NRG3: variants seen among roughly 807,000 people sequenced by gnomAD.
NRG3 encodes pro-neuregulin-3, membrane-bound isoform.
Under a neutral mutation model 66.9 loss-of-function variants are expected in NRG3, and 31 were observed. That is an observed-to-expected ratio of 0.46 (90% CI 0.35 to 0.63). The LOEUF (loss-of-function observed/expected upper bound fraction) is 0.63. Ranked by LOEUF, NRG3 falls within the 20% of genes least tolerant of loss-of-function variation. NRG3 has a pLI of 0.00. For missense variants in NRG3, 910 were observed against 878.9 expected (o/e 1.04, Z -0.45); for synonymous variants, 393 against 359.4 (o/e 1.09, Z -1.06).
intron 2 of NRG3, among the ~76,000 whole-genome samples, chr10:82,421,631 T>C (rs1158989943): frequency 6.6e-6 from 1 of 152,096 alleles, no homozygotes; most frequent in Non-Finnish European, 1.5e-5. Context: ...CAGCTCTGCT[T>C]AGAGAAGTTT....
chr10:82,115,562 T>G (rs2067657762), intron 1 of NRG3, among the ~76,000 whole-genome samples: 1 of 152,164 alleles, frequency 6.6e-6, no homozygotes, highest in Non-Finnish European at 1.5e-5. Flanking sequence ...TTTGGTTCCC[T>G]TACTTATATC....
chr10:82,111,389 A>G (rs1432224479), intron 1 of NRG3, among the ~76,000 whole-genome samples: 1 of 152,216 alleles, frequency 6.6e-6, no homozygotes, highest in East Asian at 1.9e-4. Flanking sequence ...CATACATTAT[A>G]CATAATAAAT....
intron 1 of NRG3, among the ~76,000 whole-genome samples, chr10:82,207,808 CT>C (rs1252933468): frequency 6.6e-6 from 1 of 152,126 alleles, no homozygotes; most frequent in Non-Finnish European, 1.5e-5. Context: ...TGAGAAGTCA[CT>C]AGCACAAGAA....
intron 1 of NRG3, among the ~76,000 whole-genome samples, chr10:82,160,220 C>G (rs555973538): frequency 8.6e-4 from 130 of 152,018 alleles, no homozygotes; most frequent in Admixed American, 2.8e-3. Flanking sequence ...CAGTGGTTTT[C>G]TGATAGAAGA....
chr10:82,747,622 A>G (rs1395156929), intron 3 of NRG3, among the ~76,000 whole-genome samples: 1 of 151,908 alleles, frequency 6.6e-6, no homozygotes, highest in Non-Finnish European at 1.5e-5. Context: ...GGTCAGTTTC[A>G]TTTGTACCTT....
At chr10:82,391,839 C>CT (rs1451880179) in intron 2 of NRG3, among the ~76,000 whole-genome samples, 5 of 151,842 alleles carry the variant, frequency 3.3e-5, no homozygotes, top group African/African-American at 1.2e-4. Flanking sequence ...TTCTAGGTAC[C>CT]TACAGGTCTT....
At chr10:82,940,863 A>G (rs1848523161) in intron 4 of NRG3, among the ~76,000 whole-genome samples, 2 of 152,164 alleles carry the variant, frequency 1.3e-5, no homozygotes, top group African/African-American at 4.8e-5. Flanking sequence ...GGCATTAGGT[A>G]CTAACATATG....
intron 2 of NRG3, among the ~76,000 whole-genome samples, chr10:82,545,224 G>A (rs2043811572): frequency 6.6e-6 from 1 of 151,978 alleles, no homozygotes; most frequent in South Asian, 2.1e-4. Context: ...AGTTTGATTT[G>A]AAATATAAAC....
chr10:82,340,480 A>G (rs1281350857), intron 1 of NRG3, among the ~76,000 whole-genome samples: 1 of 152,226 alleles, frequency 6.6e-6, no homozygotes, highest in African/African-American at 2.4e-5. Context: ...GTGCTTGGAT[A>G]TCTGAACACT....
At chr10:82,222,125 A>T (rs575384595) in intron 1 of NRG3, among the ~76,000 whole-genome samples, 5 of 151,998 alleles carry the variant, frequency 3.3e-5, no homozygotes, top group Non-Finnish European at 5.9e-5. Context: ...ATGTCATGTT[A>T]TTCAGCCCAT....
intron 2 of NRG3, among the ~76,000 whole-genome samples, chr10:82,542,815 T>G (rs2043631320): frequency 6.6e-6 from 1 of 152,100 alleles, no homozygotes. Context: ...CAGGAAAGAT[T>G]GGGAAATTTC....
At chr10:82,167,522 A>C (rs2072181294) in intron 1 of NRG3, among the ~76,000 whole-genome samples, 3 of 152,084 alleles carry the variant, frequency 2.0e-5, no homozygotes, top group Admixed American at 2.0e-4. Context: ...TTTACTGTAA[A>C]ATTTTATAAA....
At chr10:81,920,276 T>C (rs1373338224) in intron 1 of NRG3, among the ~76,000 whole-genome samples, 1 of 152,160 alleles carries the variant, frequency 6.6e-6, no homozygotes, top group African/African-American at 2.4e-5. Flanking sequence ...TTAAAGTCAA[T>C]GCTCCTCACC....
At chr10:82,803,245 C>A (rs2061127544) in intron 3 of NRG3, among the ~76,000 whole-genome samples, 1 of 152,072 alleles carries the variant, frequency 6.6e-6, no homozygotes. Context: ...ATGACAGGGG[C>A]AGTAGAAAAC....
chr10:82,914,375 A>G (rs1845632922), intron 4 of NRG3, among the ~76,000 whole-genome samples: 1 of 152,128 alleles, frequency 6.6e-6, no homozygotes, highest in Non-Finnish European at 1.5e-5. Flanking sequence ...GAAAAGCTAG[A>G]CATGACATAT....
intron 1 of NRG3, among the ~76,000 whole-genome samples, chr10:81,892,668 G>A (rs1432015355): frequency 6.6e-6 from 1 of 152,164 alleles, no homozygotes; most frequent in Admixed American, 6.5e-5. Context: ...CAGAGACTGA[G>A]AAGGGTAGTG....
intron 1 of NRG3, among the ~76,000 whole-genome samples, chr10:81,879,761 A>G (rs1349481538): frequency 1.3e-5 from 2 of 152,226 alleles, no homozygotes; most frequent in Non-Finnish European, 2.9e-5. Flanking sequence ...TTTTTAAGAG[A>G]GGCATTGATA....
rs116996356 is a variant in NRG3, at chr10:82,503,445, C to A, written c.953+144577C>A. Among the ~76,000 whole-genome samples, 506 of 152,252 alleles carry A rather than the reference C, an allele frequency of 3.3e-3. 2 individuals are homozygous for A. Among genetic ancestry groups the A allele is most frequent in the Non-Finnish European group, 6.2e-3 (422 of 68,004 alleles). ...AGAAGATGTAAGAGTTTTACCTCCA[C>A]TTGGTAAGGCATGTATATCTGAAGT... On this transcript the variant is annotated intron_variant, in intron 2 of 8. Transcript: ENST00000372141.
At chr10:82,516,198 A>AC (rs1320788952) in intron 2 of NRG3, among the ~76,000 whole-genome samples, 12 of 151,966 alleles carry the variant, frequency 7.9e-5, no homozygotes, top group Admixed American at 7.9e-4. Context: ...TAGTGGAAGT[A>AC]AAGTAAGGGG....
Sources: allele counts gnomAD v4.1 joint callset (sites outside exome capture counted in the v4.1 genomes callset), GRCh38; gene constraint gnomAD v4.1.1; transcripts MANE v1.5; gene names NCBI Gene and HGNC (gene_info 2026-07-23, HGNC 2026-07-21).